MAGI2: variants seen among roughly 807,000 people sequenced by gnomAD.
The protein encoded by MAGI2 is membrane associated guanylate kinase, WW and PDZ domain containing 2, also known as membrane-associated guanylate kinase, WW and PDZ domain-containing protein 2.
In MAGI2, 35 loss-of-function variants were observed where a neutral mutation model predicts 133.3. That is an observed-to-expected ratio of 0.26 (90% CI 0.20 to 0.35). The LOEUF (loss-of-function observed/expected upper bound fraction) is 0.35. Ranked by LOEUF, MAGI2 falls within the 10% of genes least tolerant of loss-of-function variation. MAGI2 has a pLI of 1.00. For synonymous variants in MAGI2, 729 were observed against 710.6 expected, an observed-to-expected ratio of 1.03 and a Z score of -0.41; for missense variants, 1,636 against 1,863.4, an observed-to-expected ratio of 0.88 and a Z score of 2.25.
intron 7 of MAGI2, chr7:78,351,682 C>G (rs1364035254): frequency 1.3e-5 from 2 of 152,170 alleles, no homozygotes; most frequent in Non-Finnish European, 2.9e-5. Context: ...AACCCCTAGA[C>G]TACAGCTGAA....
chr7:78,741,561 TAGAA>T (rs1354832279), intron 2 of MAGI2, among the ~76,000 whole-genome samples: 4 of 151,822 alleles, frequency 2.6e-5, no homozygotes, highest in East Asian at 1.9e-4. Flanking sequence ...AGTAGAAACT[TAGAA>T]AGGAAGATTG....
At chr7:78,306,931 A>G (rs1053844936) in intron 9 of MAGI2, among the ~76,000 whole-genome samples, 1 of 152,206 alleles carries the variant, frequency 6.6e-6, no homozygotes, top group Non-Finnish European at 1.5e-5. Context: ...TCAAGTGAAC[A>G]GAGAGACGCA....
At chr7:78,573,935 C>T (rs750162226) in intron 3 of MAGI2, among the ~76,000 whole-genome samples, 14 of 152,242 alleles carry the variant, frequency 9.2e-5, no homozygotes, top group Middle Eastern at 3.4e-3. Context: ...CTTAATTCTC[C>T]TATTTTCAGC....
intron 2 of MAGI2, among the ~76,000 whole-genome samples, chr7:78,955,737 CTTTCTTT>C (rs1562712968): frequency 3.2e-3 from 166 of 52,262 alleles, no homozygotes; most frequent in Middle Eastern, 0.01. Context: ...TTCTTTCTTT[CTTTCTTT>C]CTTTCTTTCT....
rs142521023 is a variant in MAGI2, at chr7:79,096,766, T to G, written c.302-89560A>C. Among the ~76,000 whole-genome samples, 122 of 152,306 alleles carry G rather than the reference T, an allele frequency of 8.0e-4. 1 individual carries two copies. The highest frequency in any genetic ancestry group is 2.8e-3 in the African/African-American group (115 of 41,588). On this transcript the variant is annotated intron_variant, in intron 1 of 21. Transcript: ENST00000354212. Reference sequence around the variant, plus strand: ...AAACACAGCAACTCAACTGTATCTATGCATCACTTCTGCTACCCCTTCCTC... The same window carrying G: ...AAACACAGCAACTCAACTGTATCTAGGCATCACTTCTGCTACCCCTTCCTC...
intron 11 of MAGI2, among the ~76,000 whole-genome samples, chr7:78,196,668 G>A (rs544310300): frequency 6.6e-6 from 1 of 152,252 alleles, no homozygotes; most frequent in African/African-American, 2.4e-5. Flanking sequence ...GAGACACCAG[G>A]GGCCTGCCCT....
chr7:78,025,396 T>A (rs1260560982), intron 21 of MAGI2, among the ~76,000 whole-genome samples: 1 of 152,214 alleles, frequency 6.6e-6, no homozygotes. Context: ...GCTTATTTGA[T>A]AAACATCAGT....
intron 1 of MAGI2, among the ~76,000 whole-genome samples, chr7:79,219,227 C>A (rs867170971): frequency 1.3e-5 from 2 of 151,888 alleles, no homozygotes; most frequent in Non-Finnish European, 2.9e-5. Flanking sequence ...ACATGGCCAA[C>A]GTTGTTTACT....
At chr7:79,100,056 C>A (rs1817843104) in intron 1 of MAGI2, among the ~76,000 whole-genome samples, 1 of 152,088 alleles carries the variant, frequency 6.6e-6, no homozygotes, top group African/African-American at 2.4e-5. Context: ...TGTAATTGAT[C>A]CTTCTCCTAA....
At chr7:79,447,728 T>C (rs1848959939) in intron 1 of MAGI2, among the ~76,000 whole-genome samples, 1 of 151,878 alleles carries the variant, frequency 6.6e-6, no homozygotes, top group African/African-American at 2.4e-5. Flanking sequence ...AACAGTACCA[T>C]AAAATACTAT....
chr7:78,467,897 T>C (rs1447480263), intron 6 of MAGI2, among the ~76,000 whole-genome samples: 3 of 152,178 alleles, frequency 2.0e-5, no homozygotes, highest in Non-Finnish European at 2.9e-5. Context: ...AAGATATCTT[T>C]CTTTTGCTTT....
intron 1 of MAGI2, among the ~76,000 whole-genome samples, chr7:79,408,385 T>C (rs775941508): frequency 7.2e-5 from 11 of 152,096 alleles, no homozygotes; most frequent in Admixed American, 2.0e-4. Context: ...ACAGAAATCA[T>C]TGAAATCAAA....
chr7:79,293,134 C>T (rs2129558961), intron 1 of MAGI2, among the ~76,000 whole-genome samples: 1 of 152,264 alleles, frequency 6.6e-6, no homozygotes, highest in Non-Finnish European at 1.5e-5. Flanking sequence ...CATGTTTATT[C>T]CTATATCAGA....
intron 1 of MAGI2, among the ~76,000 whole-genome samples, chr7:79,435,943 TAA>T (rs1000188647): frequency 2.0e-5 from 3 of 152,010 alleles, no homozygotes; most frequent in African/African-American, 7.2e-5. Context: ...TGGAAAATAG[TAA>T]AGAGTCCGGA....
At chr7:78,668,219 C>T (rs865868943) in intron 2 of MAGI2, among the ~76,000 whole-genome samples, 19 of 152,080 alleles carry the variant, frequency 1.2e-4, no homozygotes, top group East Asian at 3.9e-4. Context: ...TCATGTCCTT[C>T]GCCCACTTTT....
chr7:79,235,825 C>T (rs548014305), intron 1 of MAGI2, among the ~76,000 whole-genome samples: 40 of 152,340 alleles, frequency 2.6e-4, no homozygotes, highest in African/African-American at 8.4e-4. Context: ...GAAAAATATT[C>T]TAAGTCATTG....
chr7:78,336,421 G>C (rs1341404038), intron 9 of MAGI2, among the ~76,000 whole-genome samples: 2 of 152,100 alleles, frequency 1.3e-5, no homozygotes, highest in East Asian at 3.9e-4. Flanking sequence ...AAGTGCCAGG[G>C]GCTGAAGAAT....
At chr7:79,378,972 T>TATATATATA (rs1563168440) in intron 1 of MAGI2, among the ~76,000 whole-genome samples, 2 of 76,746 alleles carry the variant, frequency 2.6e-5, no homozygotes, top group African/African-American at 9.8e-5. Context: ...ATATATATAT[T>TATATATATA]AAACTTTAAG....
rs372808930 is a variant in MAGI2, at chr7:78,305,659, G to T, written c.1408+38119C>A. On this transcript the variant is annotated intron_variant, in intron 9 of 21. Coordinates refer to ENST00000354212, the MANE Select transcript of MAGI2 (RefSeq NM_012301.4). ...GAGCTCCAACCTCCTATGCAAGGGG[G>T]ACTCAGGAATCCTCTAGAAGGGCAA... 3.3e-5 allele frequency among the ~76,000 whole-genome samples: 5 copies of T among 152,204 alleles called. No homozygotes were observed. In the East Asian group the frequency reaches 5.8e-4, roughly 18 times the overall value.
Sources: allele counts gnomAD v4.1 joint callset (sites outside exome capture counted in the v4.1 genomes callset), GRCh38; gene constraint gnomAD v4.1.1; transcripts MANE v1.5; gene names NCBI Gene and HGNC (gene_info 2026-07-23, HGNC 2026-07-21).